Variants in DLG2 observed in about 807,000 individuals in gnomAD.
DLG2 encodes the protein disks large homolog 2.
In DLG2, 45 loss-of-function variants were observed where a neutral mutation model predicts 132.5. The ratio of observed to expected loss-of-function variants is 0.34; its 90% CI spans 0.27 to 0.44. The LOEUF is 0.44. Among genes scored for constraint, DLG2 ranks in the 20% least tolerant of loss-of-function variants. The pLI is 1.00. For missense variants in DLG2, 1,045 were observed against 1,196.9 expected, an observed-to-expected ratio of 0.87 and a Z score of 1.87; for synonymous variants, 424 against 419.6, an observed-to-expected ratio of 1.01 and a Z score of -0.13.
chr11:85,604,674 C>G (rs2080401904), intron 2 of DLG2, among the ~76,000 whole-genome samples: 2 of 151,008 alleles, frequency 1.3e-5, no homozygotes, highest in Admixed American at 1.3e-4. Flanking sequence ...AGGGCAGGCA[C>G]AGGAGGAAAT....
intron 3 of DLG2, among the ~76,000 whole-genome samples, chr11:85,343,645 C>T (rs1048646508): frequency 2.6e-5 from 4 of 152,032 alleles, no homozygotes; most frequent in Non-Finnish European, 5.9e-5. Flanking sequence ...CACACACACA[C>T]GCGCGTACAC....
At chr11:84,078,204 T>G (rs1413523120) in intron 10 of DLG2, among the ~76,000 whole-genome samples, 2 of 152,164 alleles carry the variant, frequency 1.3e-5, no homozygotes, top group South Asian at 2.1e-4. Flanking sequence ...TCAGAATTCC[T>G]TTTTTCATTT....
intron 10 of DLG2, among the ~76,000 whole-genome samples, chr11:84,095,334 T>C (rs1398032404): frequency 6.6e-6 from 1 of 152,168 alleles, no homozygotes; most frequent in African/African-American, 2.4e-5. Context: ...CTCAGTGAAG[T>C]AGGTATTATT....
At chr11:85,500,186 T>C (rs1185256282) in intron 3 of DLG2, among the ~76,000 whole-genome samples, 2 of 151,996 alleles carry the variant, frequency 1.3e-5, no homozygotes, top group African/African-American at 4.8e-5. Context: ...TGATTGTATA[T>C]CTAGAAAACC....
chr11:83,850,640 A>C (rs2154029127), intron 16 of DLG2, among the ~76,000 whole-genome samples: 2 of 152,344 alleles, frequency 1.3e-5, no homozygotes, highest in East Asian at 3.9e-4. Flanking sequence ...GGAGACATGA[A>C]GGCAGAGGCC....
At chr11:83,933,898 GA>G (rs1477000353) in intron 14 of DLG2, among the ~76,000 whole-genome samples, 1 of 152,168 alleles carries the variant, frequency 6.6e-6, no homozygotes, top group East Asian at 1.9e-4. Flanking sequence ...GAATAAAGGA[GA>G]AAAAATTTTC....
intron 14 of DLG2, among the ~76,000 whole-genome samples, chr11:83,941,102 C>G (rs965454087): frequency 6.6e-6 from 1 of 152,142 alleles, no homozygotes; most frequent in Non-Finnish European, 1.5e-5. Context: ...GCCCCAGTTA[C>G]ATTTCTATTT....
chr11:84,600,625 A>G (rs568808177), intron 6 of DLG2, among the ~76,000 whole-genome samples: 30 of 152,202 alleles, frequency 2.0e-4, no homozygotes, highest in Non-Finnish European at 3.8e-4. Flanking sequence ...TTTCAAATTC[A>G]TTCTTCAGGA....
At chr11:84,844,105 T>TTA (rs2081109937) in intron 6 of DLG2, among the ~76,000 whole-genome samples, 1 of 80,970 alleles carries the variant, frequency 1.2e-5, no homozygotes, top group African/African-American at 4.5e-5. Context: ...ATATATATGT[T>TTA]TGTGTGTGTG....
intron 6 of DLG2, among the ~76,000 whole-genome samples, chr11:84,875,238 A>C (rs73516961): frequency 0.033 from 4,969 of 152,246 alleles, 247 homozygotes; most frequent in East Asian, 0.26. Context: ...TAAGGCATCA[A>C]AGTGAAAATG....
chr11:85,110,423 T>C (rs1230947751), intron 6 of DLG2, among the ~76,000 whole-genome samples: 1 of 151,684 alleles, frequency 6.6e-6, no homozygotes, highest in African/African-American at 2.4e-5. Context: ...GTCTCAAAAA[T>C]AAAAACCAAA....
intron 9 of DLG2, among the ~76,000 whole-genome samples, chr11:84,137,042 C>T (rs2094628983): frequency 6.6e-6 from 1 of 152,066 alleles, no homozygotes; most frequent in Non-Finnish European, 1.5e-5. Context: ...ATTGTGGTCC[C>T]AGGGCAGGAA....
chr11:84,376,558 A>C (rs944737847), intron 7 of DLG2, among the ~76,000 whole-genome samples: 11 of 151,940 alleles, frequency 7.2e-5, no homozygotes, highest in Non-Finnish European at 1.5e-4. Context: ...AGAAAAAGCC[A>C]AGTCTAAAAA....
At chr11:84,073,307 A>T (rs1227538849) in intron 10 of DLG2, among the ~76,000 whole-genome samples, 2 of 152,062 alleles carry the variant, frequency 1.3e-5, no homozygotes, top group East Asian at 3.9e-4. Context: ...AATCACCCTA[A>T]CAAACAAGCT....
intron 3 of DLG2, among the ~76,000 whole-genome samples, chr11:85,540,573 T>C (rs1293315411): frequency 6.6e-6 from 1 of 152,190 alleles, no homozygotes; most frequent in Non-Finnish European, 1.5e-5. Context: ...CAAGCCCACA[T>C]GTGATTCAAT....
In DLG2 at chr11:83,459,818, T is replaced by C. The variant is rs775404117; in HGVS notation, c.2928A>G (p.Ter976=). ...FIWIPSKEKL[*] is the part of the protein sequence containing the mutation. The stretch of plus-strand genomic sequence containing the variant: ...CGTTGTCAGAGGCGCAGTAGCTAAT[T>C]TATAACTTTTCCTTTGAGGGAATCC... Residue 976 remains the stop codon, a stop_retained_variant, in exon 28 of 28, where the codon TAA becomes TAG. Transcript: ENST00000376104. 9 of 1,573,868 alleles carry C rather than the reference T, an allele frequency of 5.7e-6. No individual in the cohort carries two copies. The highest frequency in any genetic ancestry group is 1.7e-4 in the Middle Eastern group (1 of 6,014).
intron 4 of DLG2, among the ~76,000 whole-genome samples, chr11:85,201,946 A>G (rs1048554642): frequency 6.6e-6 from 1 of 152,180 alleles, no homozygotes; most frequent in Admixed American, 6.5e-5. Flanking sequence ...GAATGAAATG[A>G]AAAATGTAAT....
intron 6 of DLG2, among the ~76,000 whole-genome samples, chr11:84,874,324 G>A (rs2085971732): frequency 1.3e-5 from 2 of 152,134 alleles, no homozygotes; most frequent in South Asian, 4.1e-4. Context: ...AGAAAGAGAG[G>A]CAGAATATTC....
intron 18 of DLG2, among the ~76,000 whole-genome samples, chr11:83,695,442 G>T (rs2081730052): frequency 6.6e-6 from 1 of 152,154 alleles, no homozygotes. Context: ...TAGAGTTTGT[G>T]ATTCAGTAAA....
Sources: allele counts gnomAD v4.1 joint callset (sites outside exome capture counted in the v4.1 genomes callset), GRCh38; gene constraint gnomAD v4.1.1; transcripts MANE v1.5; gene names NCBI Gene and HGNC (gene_info 2026-07-23, HGNC 2026-07-21).